KCNH5: variants seen among roughly 807,000 people sequenced by gnomAD.
KCNH5 encodes potassium voltage-gated channel subfamily H member 5.
In KCNH5, 46 loss-of-function variants were observed where a neutral mutation model predicts 96.1. The ratio of observed to expected loss-of-function variants is 0.48; its 90% CI spans 0.38 to 0.61. The LOEUF is 0.61. Ranked by LOEUF, KCNH5 falls within the 20% of genes least tolerant of loss-of-function variation. The pLI, the probability that KCNH5 is intolerant of heterozygous loss-of-function variation, is 0.00. For missense variants in KCNH5, 907 were observed against 1,225.8 expected (o/e 0.74, Z 3.88); for synonymous variants, 439 against 449.8 (o/e 0.98, Z 0.30).
chr14:62,927,158 T>C (rs1054229821), intron 7 of KCNH5, among the ~76,000 whole-genome samples: 5 of 152,118 alleles, frequency 3.3e-5, no homozygotes, highest in Non-Finnish European at 5.9e-5. Flanking sequence ...CCAACATCAA[T>C]AATCATTAGG....
chr14:63,018,703 A>G (rs191627132), intron 1 of KCNH5, among the ~76,000 whole-genome samples: 14 of 152,216 alleles, frequency 9.2e-5, no homozygotes, highest in Admixed American at 9.2e-4. Context: ...TTCATGATCA[A>G]GGTCATCCAT....
intron 6 of KCNH5, among the ~76,000 whole-genome samples, chr14:62,969,302 T>C (rs1401218796): frequency 1.3e-5 from 2 of 152,152 alleles, no homozygotes; most frequent in African/African-American, 4.8e-5. Context: ...ATACATATGC[T>C]GGAAAAGAAG....
chr14:62,938,078 G>C (rs1889719274), intron 7 of KCNH5, among the ~76,000 whole-genome samples: 1 of 152,132 alleles, frequency 6.6e-6, no homozygotes, highest in Non-Finnish European at 1.5e-5. Flanking sequence ...ATAGGGGCAT[G>C]AATTTAAATG....
intron 7 of KCNH5, among the ~76,000 whole-genome samples, chr14:62,909,946 T>C (rs190268058): frequency 1.1e-3 from 165 of 152,274 alleles, no homozygotes; most frequent in Non-Finnish European, 6.9e-4. Context: ...TTTTTTTCTT[T>C]TTTTGCTTTC....
Position 62,707,983 on chromosome 14 carries a change from A to G in KCNH5, c.2492T>C (p.Val831Ala). 1 of 1,614,102 alleles carries G rather than the reference A, an allele frequency of 6.2e-7. No homozygotes were observed. Among genetic ancestry groups the G allele is most frequent in the Non-Finnish European group, 8.5e-7 (1 of 1,180,030 alleles). The change falls in exon 11 of 11, where the codon GTC becomes GCC. Residue 831 changes from valine (V) to alanine (A), a missense_variant. Coordinates refer to ENST00000322893, the MANE Select transcript of KCNH5 (RefSeq NM_139318.5). ...HEEKKEDWNN[V>A]TKAESMGLLS... is the part of the protein sequence containing the mutation. The stretch of plus-strand genomic sequence containing the variant: ...TAGCCCCATTGACTCAGCTTTAGTG[A>G]CATTATTCCAGTCTTCCTTTTTCTC...
Position 62,918,815 on chromosome 14 carries a change from T to TA in KCNH5, c.1369+31317dup, listed in dbSNP as rs932228407. On this transcript the variant is annotated intron_variant, in intron 7 of 10. Coordinates refer to ENST00000322893, the MANE Select transcript of KCNH5 (RefSeq NM_139318.5). Reference sequence around the variant, plus strand: ...TTCAGGTTTGACACTATATATCCAATAAAAAAAATGCGTAACCTTTGTGCC... The same window carrying TA: ...TTCAGGTTTGACACTATATATCCAATAAAAAAAAATGCGTAACCTTTGTGCC... Among the ~76,000 whole-genome samples, 37 of 151,926 alleles carry TA rather than the reference T, an allele frequency of 2.4e-4. No homozygotes were observed. The East Asian group carries it at 6.2e-3, about 25-fold the overall frequency.
At chr14:62,845,948 G>C (rs567867914) in intron 8 of KCNH5, among the ~76,000 whole-genome samples, 4 of 152,002 alleles carry the variant, frequency 2.6e-5, no homozygotes, top group Non-Finnish European at 4.4e-5. Flanking sequence ...GAAAAGGGAC[G>C]AGGCACAAGG....
chr14:62,855,097 T>G (rs940411841), intron 7 of KCNH5, among the ~76,000 whole-genome samples: 3 of 151,878 alleles, frequency 2.0e-5, no homozygotes, highest in Non-Finnish European at 4.4e-5. Flanking sequence ...CTAGTTTTCA[T>G]GCTGTGAGGA....
intron 1 of KCNH5, among the ~76,000 whole-genome samples, chr14:63,018,324 T>C (rs1242449357): frequency 6.6e-6 from 1 of 151,882 alleles, no homozygotes; most frequent in Non-Finnish European, 1.5e-5. Flanking sequence ...CAGAGCAACT[T>C]GGAGTTGGGG....
intron 6 of KCNH5, among the ~76,000 whole-genome samples, chr14:62,957,045 G>A (rs1890117564): frequency 6.6e-6 from 1 of 152,130 alleles, no homozygotes; most frequent in Non-Finnish European, 1.5e-5. Flanking sequence ...GTGCATAACA[G>A]AACACAACAG....
intron 3 of KCNH5, among the ~76,000 whole-genome samples, chr14:63,003,777 C>T (rs1363548884): frequency 2.0e-5 from 3 of 150,124 alleles, no homozygotes; most frequent in African/African-American, 4.9e-5. Context: ...CCTGCCACCA[C>T]GCCCGGCTAA....
chr14:62,802,707 T>C (rs1481608593), intron 8 of KCNH5, 126 bp from the exon 9 acceptor site: 2 of 1,170,934 alleles, frequency 1.7e-6, no homozygotes, highest in Non-Finnish European at 2.4e-6. Flanking sequence ...CCTTGCTGGG[T>C]ACTGGGAAGG....
intron 6 of KCNH5, among the ~76,000 whole-genome samples, chr14:62,957,507 C>T (rs1420434821): frequency 2.0e-5 from 3 of 152,150 alleles, no homozygotes; most frequent in African/African-American, 7.2e-5. Context: ...GTTTATTTTT[C>T]CCCCTGTATC....
At chr14:62,896,762 G>A (rs1317132531) in intron 7 of KCNH5, among the ~76,000 whole-genome samples, 1 of 152,116 alleles carries the variant, frequency 6.6e-6, no homozygotes, top group African/African-American at 2.4e-5. Context: ...AGTCTTTTCA[G>A]TCCCAGTAAC....
intron 1 of KCNH5, among the ~76,000 whole-genome samples, chr14:63,018,703 A>C (rs191627132): frequency 1.3e-5 from 2 of 152,098 alleles, no homozygotes; most frequent in Non-Finnish European, 2.9e-5. Context: ...TTCATGATCA[A>C]GGTCATCCAT....
intron 3 of KCNH5, among the ~76,000 whole-genome samples, chr14:63,004,414 G>A (rs915033039): frequency 2.6e-5 from 4 of 152,128 alleles, no homozygotes; most frequent in Non-Finnish European, 5.9e-5. Context: ...TTGGCTATAA[G>A]CAGGCACTTA....
At chr14:62,768,128 G>C (rs1885904412) in intron 10 of KCNH5, among the ~76,000 whole-genome samples, 1 of 151,906 alleles carries the variant, frequency 6.6e-6, no homozygotes. Context: ...CTCAGGTCAT[G>C]GTTACACTAA....
chr14:62,854,661 T>A lies in KCNH5; in HGVS notation c.1370-4809A>T, dbSNP rs574615248. Reference sequence around the variant, plus strand: ...TAATAGTAATAATTAGGTTAATTTGTGACAATTTCATAAGGGTCTTTTTAT... The same window carrying A: ...TAATAGTAATAATTAGGTTAATTTGAGACAATTTCATAAGGGTCTTTTTAT... On this transcript the variant is annotated intron_variant, in intron 7 of 10. Transcript: ENST00000322893. 9.3e-4 allele frequency among the ~76,000 whole-genome samples: 141 copies of A among 152,140 alleles called. No homozygotes were observed. In the Middle Eastern group the frequency reaches 0.01, roughly 11 times the overall value.
At chr14:62,743,264 G>T (rs1319374232) in intron 10 of KCNH5, among the ~76,000 whole-genome samples, 1 of 152,170 alleles carries the variant, frequency 6.6e-6, no homozygotes, top group Non-Finnish European at 1.5e-5. Flanking sequence ...ATTTAAATTA[G>T]TTTGGGACAG....
Sources: gnomAD v4.1 joint callset for allele counts (sites outside exome capture counted in the v4.1 genomes callset) on GRCh38, gnomAD v4.1.1 for gene constraint, MANE v1.5 for transcripts, NCBI Gene and HGNC (gene_info 2026-07-23, HGNC 2026-07-21) for gene names.